PCDHGA1: variants seen among roughly 807,000 people sequenced by gnomAD.
PCDHGA1 encodes the protein protocadherin gamma-A1.
In PCDHGA1, 32 loss-of-function variants were observed where a neutral mutation model predicts 58.0. The ratio of observed to expected loss-of-function variants is 0.55; its 90% CI spans 0.42 to 0.74. The LOEUF is 0.74. PCDHGA1 is among the 30% of genes least tolerant of loss of function. The probability of loss-of-function intolerance (pLI) is 0.00; values close to 1 mark genes in which losing one functional copy is unlikely to be tolerated. For missense variants in PCDHGA1, 1,205 were observed against 1,182.3 expected, an observed-to-expected ratio of 1.02 and a Z score of -0.28; for synonymous variants, 498 against 501.1, an observed-to-expected ratio of 0.99 and a Z score of 0.08.
At position 141,331,666 on chromosome 5, in the gene PCDHGA1, A is replaced by G. The variant is rs894769119; in HGVS notation, c.982A>G (p.Met328Val). ...TCAAGCCCAGGATGGTGCGGGGCTC[A>G]TGGCTAAAGTTAAGGTACTGATCAA... Reference protein sequence around the residue: ...EVQAQDGAGLMAKVKVLIKVL... With the variant: ...EVQAQDGAGLVAKVKVLIKVL... The change falls in exon 1 of 4, where the codon ATG becomes GTG. Residue 328 changes from methionine to valine, a missense_variant. By Grantham distance (21) the Met-to-Val change is conservative (BLOSUM62 1). Coordinates refer to ENST00000517417, the MANE Select transcript of PCDHGA1 (RefSeq NM_018912.3). 1 of 1,614,022 alleles carries G rather than the reference A, an allele frequency of 6.2e-7. No individual in the cohort carries two copies.
chr5:141,366,685 T>C (rs1764741162), intron 1 of PCDHGA1: 3 of 1,614,116 alleles, frequency 1.9e-6, no homozygotes, highest in African/African-American at 2.7e-5. Context: ...AAGAGAGCTG[T>C]GAGAAAAGCG....
rs1290619811 is a variant in PCDHGA1 at position 141,331,592 on chromosome 5, A to T, written c.908A>T (p.Asn303Ile). 2 of 1,614,146 alleles carry T rather than the reference A, an allele frequency of 1.2e-6. No individual in the cohort carries two copies. The highest frequency in any genetic ancestry group is 2.7e-5 in the African/African-American group (2 of 75,052). Residue 303 changes from asparagine (N) to isoleucine (I), a missense_variant, in exon 1 of 4, where the codon AAT becomes ATT. By Grantham distance (149) the Asn-to-Ile change is moderately radical. Coordinates refer to ENST00000517417, the MANE Select transcript of PCDHGA1 (RefSeq NM_018912.3). The stretch of plus-strand genomic sequence containing the variant: ...GATTCTTACACAGGAGAAATATCAA[A>T]TAAAGAACCACTAGATTTCGAAGAA... ...RLDSYTGEIS[N>I]KEPLDFEEYK...
At chr5:141,371,024 G>C (rs1588679786) in intron 1 of PCDHGA1, 1 of 1,613,886 alleles carries the variant, frequency 6.2e-7, no homozygotes, top group African/African-American at 1.3e-5. Context: ...ATCACCACCT[G>C]GTCCTCACAG....
intron 1 of PCDHGA1, chr5:141,416,902 C>T (rs1364019748): frequency 1.3e-5 from 2 of 152,020 alleles, no homozygotes; most frequent in Non-Finnish European, 2.9e-5. Flanking sequence ...GGAAGGAAAG[C>T]ACACTCTTTA....
intron 1 of PCDHGA1, chr5:141,394,121 T>G: frequency 6.2e-7 from 1 of 1,613,920 alleles, no homozygotes; most frequent in Non-Finnish European, 8.5e-7. Flanking sequence ...CCACTGAAAC[T>G]CAAATCGCTC....
chr5:141,357,393 G>A lies in PCDHGA1; in HGVS notation c.2421+24288G>A, dbSNP rs759583141. On this transcript the variant is annotated intron_variant, in intron 1 of 3. Coordinates refer to ENST00000517417, the MANE Select transcript of PCDHGA1 (RefSeq NM_018912.3). Reference sequence around the variant, plus strand: ...GCCTGCTTCACGCTGAAGGCAGCAGGTTGGCAGGTGTGCCTGCCTCGCACT... The same window carrying A: ...GCCTGCTTCACGCTGAAGGCAGCAGATTGGCAGGTGTGCCTGCCTCGCACT... The A allele has an allele frequency of 6.2e-6, 10 of 1,614,130 alleles. No homozygotes were observed. The African/African-American group carries it at 1.3e-4, about 22-fold the overall frequency.
intron 1 of PCDHGA1, among the ~76,000 whole-genome samples, chr5:141,450,082 C>T (rs2098668421): frequency 6.8e-6 from 1 of 147,384 alleles, no homozygotes. Context: ...TCTTGGCTCA[C>T]TGCAACCTCC....
At chr5:141,409,389 C>T (rs1445649056) in intron 1 of PCDHGA1, 2 of 1,613,888 alleles carry the variant, frequency 1.2e-6, no homozygotes, top group Non-Finnish European at 1.7e-6. Flanking sequence ...AAGATTTATT[C>T]TTCTTCCAAT....
intron 1 of PCDHGA1, among the ~76,000 whole-genome samples, chr5:141,364,008 C>T (rs553317478): frequency 3.3e-5 from 5 of 152,194 alleles, no homozygotes; most frequent in African/African-American, 9.6e-5. Context: ...TCATAAACAA[C>T]GCTACACAGT....
chr5:141,338,104 C>T (rs1249017550), intron 1 of PCDHGA1, among the ~76,000 whole-genome samples: 1 of 152,136 alleles, frequency 6.6e-6, no homozygotes, highest in African/African-American at 2.4e-5. Context: ...ACTGGATACC[C>T]CTCCTAGGTA....
intron 1 of PCDHGA1, chr5:141,371,702 GACC>G (rs768822916): frequency 1.1e-5 from 18 of 1,613,922 alleles, no homozygotes; most frequent in Non-Finnish European, 1.7e-6. Context: ...CCTCCAGCAA[GACC>G]ATCACTCTGC....
rs200545713 is a variant in PCDHGA1 at position 141,422,296 on chromosome 5, A to G, written c.2422-72511A>G. 133 of 1,550,704 alleles carry G rather than the reference A, an allele frequency of 8.6e-5. 1 individual carries two copies. The Admixed American group carries it at 2.1e-3, about 25-fold the overall frequency. ...AACTATCACCTCTTCTATTAATTCAATTCTGGAAAACTCTCCTCCAGGTAC... is the reference window on the plus strand; with the variant it reads ...AACTATCACCTCTTCTATTAATTCAGTTCTGGAAAACTCTCCTCCAGGTAC... On this transcript the variant is annotated intron_variant, in intron 1 of 3. Transcript: ENST00000517417.
rs200368368 is a variant in PCDHGA1 at position 141,371,922 on chromosome 5, C to T, written c.2421+38817C>T. 2.5e-4 allele frequency: 410 copies of T among 1,613,228 alleles called. No individual in the cohort carries two copies. The highest frequency in any genetic ancestry group is 3.3e-4 in the Non-Finnish European group (394 of 1,179,902). On this transcript the variant is annotated intron_variant, in intron 1 of 3. Transcript: ENST00000517417. ...GTCGTCCTACGTGTCCGTGAGCGCG[C>T]GGAGCGGGGTGGTGTTCGCGCAGCG...
At chr5:141,360,504 G>A in intron 1 of PCDHGA1, 1 of 1,613,932 alleles carries the variant, frequency 6.2e-7, no homozygotes, top group Non-Finnish European at 8.5e-7. Context: ...CAGTAATTGT[G>A]CAGGATATAA....
Position 141,487,501 on chromosome 5 carries a change from T to A in PCDHGA1, c.2422-7306T>A. 1 of 1,614,232 alleles carries A rather than the reference T, an allele frequency of 6.2e-7. No individual in the cohort carries two copies. Among genetic ancestry groups the A allele is most frequent in the Non-Finnish European group, 8.5e-7 (1 of 1,180,036 alleles). On this transcript the variant is annotated intron_variant, in intron 1 of 3. Transcript: ENST00000517417. This position sits in a 1 kb window ranked among gnomAD's most constrained non-coding sequence, Gnocchi z 5.0. ...ACTCTCATGGCTGTACACCCTTGGC[T>A]TCTGCACCCACTCGGAGTGATAGCT...
intron 1 of PCDHGA1, 90 bp downstream of exon 1, chr5:141,333,195 C>A: frequency 6.4e-7 from 1 of 1,566,254 alleles, no homozygotes; most frequent in Non-Finnish European, 8.7e-7. Flanking sequence ...ACAGATAGTT[C>A]TTCTAACCCA....
At chr5:141,380,859 A>G (rs1428223236) in intron 1 of PCDHGA1, among the ~76,000 whole-genome samples, 1 of 152,262 alleles carries the variant, frequency 6.6e-6, no homozygotes, top group Non-Finnish European at 1.5e-5. Context: ...AGACATTGAG[A>G]GCTATAACCT....
chr5:141,332,224 C>A lies in PCDHGA1; in HGVS notation c.1540C>A (p.Leu514Met), dbSNP rs1213674996. 2.5e-6 allele frequency: 4 copies of A among 1,614,112 alleles called. No homozygotes were observed. In the East Asian group the frequency reaches 8.9e-5, roughly 36 times the overall value. Residue 514 changes from leucine (L) to methionine (M), a missense_variant, in exon 1 of 4, where the codon CTG (leucine) becomes ATG (methionine). By Grantham distance (15) the Leu-to-Met change is conservative (BLOSUM62 2). Transcript: ENST00000517417. The surrounding 1 kb of genome is among the most constrained non-coding windows in gnomAD (Gnocchi z 4.6). Reference sequence around the variant, plus strand: ...CTCCATCAACTCCGACACTGGGGTCCTGTATGCGCTGCGATCCTTCGACTA... The same window carrying A: ...CTCCATCAACTCCGACACTGGGGTCATGTATGCGCTGCGATCCTTCGACTA... ...YLSINSDTGV[L>M]YALRSFDYEQ... is the part of the protein sequence containing the mutation.
In PCDHGA1 at chr5:141,366,063, C is replaced by A. The variant is rs775871309; in HGVS notation, c.2421+32958C>A. ...GACGGTTCCACGGGCGTGGAGCTGG[C>A]GCCTCGCTCCGCAGAACCTGGCTAC... is the stretch of plus-strand genomic sequence containing the variant. On this transcript the variant is annotated intron_variant, in intron 1 of 3. Coordinates refer to ENST00000517417, the MANE Select transcript of PCDHGA1 (RefSeq NM_018912.3). 90 of 1,614,128 alleles carry A rather than the reference C, an allele frequency of 5.6e-5. No homozygotes were observed. The highest frequency in any genetic ancestry group is 7.3e-5 in the Non-Finnish European group (86 of 1,180,056).
Sources: gnomAD v4.1 joint callset for allele counts (sites outside exome capture counted in the v4.1 genomes callset) on GRCh38, gnomAD v4.1.1 for gene constraint, Gnocchi (gnomAD v3.1) non-coding constraint, MANE v1.5 for transcripts, NCBI Gene and HGNC (gene_info 2026-07-23, HGNC 2026-07-21) for gene names.